EXOC4: variants seen among roughly 807,000 people sequenced by gnomAD.
The protein encoded by EXOC4 is SEC8-like 1.
EXOC4 carries 71 observed loss-of-function variants against 107.2 expected under a neutral mutation model. The observed-to-expected ratio is 0.66, with a 90% CI of 0.55 to 0.81. The LOEUF is 0.81. Among genes scored for constraint, EXOC4 ranks in the 30% least tolerant of loss-of-function variants. EXOC4 has a pLI of 0.00. For synonymous variants in EXOC4, 456 were observed against 441.2 expected, an observed-to-expected ratio of 1.03 and a Z score of -0.42; for missense variants, 1,108 against 1,189.6, an observed-to-expected ratio of 0.93 and a Z score of 1.01.
intron 10 of EXOC4, among the ~76,000 whole-genome samples, chr7:133,657,595 T>A (rs1803330816): frequency 6.6e-6 from 1 of 152,138 alleles, no homozygotes; most frequent in African/African-American, 2.4e-5. Context: ...TCAGTGTGGA[T>A]CCTACCTTGG....
intron 9 of EXOC4, among the ~76,000 whole-genome samples, chr7:133,530,560 T>C (rs1800162725): frequency 6.6e-6 from 1 of 152,214 alleles, no homozygotes; most frequent in African/African-American, 2.4e-5. Context: ...CATCACTGTA[T>C]GTACAGTGTG....
At chr7:133,312,804 G>A (rs550188789) in intron 4 of EXOC4, among the ~76,000 whole-genome samples, 1 of 151,490 alleles carries the variant, frequency 6.6e-6, no homozygotes, top group Non-Finnish European at 1.5e-5. Flanking sequence ...TGTTTTGGAA[G>A]GCAGTATACC....
At chr7:133,653,675 T>C (rs938049196) in intron 10 of EXOC4, among the ~76,000 whole-genome samples, 4 of 152,194 alleles carry the variant, frequency 2.6e-5, no homozygotes, top group Non-Finnish European at 4.4e-5. Context: ...GTTGCTCCAT[T>C]TTCCTCCCTT....
intron 11 of EXOC4, among the ~76,000 whole-genome samples, chr7:133,861,280 A>G (rs1295674946): frequency 6.6e-6 from 1 of 152,198 alleles, no homozygotes; most frequent in Non-Finnish European, 1.5e-5. Context: ...GACCTTGTTT[A>G]AAAATGGAAA....
At chr7:134,071,065 C>T (rs981631129), downstream of EXOC4, among the ~76,000 whole-genome samples, 6 of 152,158 alleles carry the variant, frequency 3.9e-5, no homozygotes, top group Non-Finnish European at 8.8e-5. Flanking sequence ...ATTGCTACTA[C>T]GTTATTCTAG....
intron 17 of EXOC4, among the ~76,000 whole-genome samples, chr7:134,024,106 C>G (rs1795083587): frequency 3.3e-5 from 5 of 152,180 alleles, no homozygotes; most frequent in African/African-American, 7.2e-5. Flanking sequence ...AGTAGAGCTC[C>G]TACCTAGGGT....
At chr7:133,321,820 A>C (rs2150587840) in intron 5 of EXOC4, among the ~76,000 whole-genome samples, 1 of 152,322 alleles carries the variant, frequency 6.6e-6, no homozygotes, top group Middle Eastern at 3.4e-3. Flanking sequence ...CAATGGTTTA[A>C]CTAATTTACA....
intron 14 of EXOC4, among the ~76,000 whole-genome samples, chr7:133,990,486 G>GTA (rs1191964809): frequency 2.6e-5 from 4 of 152,108 alleles, no homozygotes; most frequent in Non-Finnish European, 5.9e-5. Flanking sequence ...GTCTCACTCT[G>GTA]TAGCCCAGGC....
At chr7:133,781,684 TG>T (rs1345428745) in intron 10 of EXOC4, among the ~76,000 whole-genome samples, 1 of 152,206 alleles carries the variant, frequency 6.6e-6, no homozygotes, top group East Asian at 1.9e-4. Flanking sequence ...CCAGAGAGTC[TG>T]CCTTGCACTG....
chr7:133,670,270 C>G (rs1400866836), intron 10 of EXOC4, among the ~76,000 whole-genome samples: 1 of 152,182 alleles, frequency 6.6e-6, no homozygotes, highest in Non-Finnish European at 1.5e-5. Flanking sequence ...AGGGAAAGTT[C>G]TTTAATCATT....
intron 10 of EXOC4, among the ~76,000 whole-genome samples, chr7:133,651,706 A>C (rs2991242): frequency 6.6e-6 from 1 of 151,900 alleles, no homozygotes; most frequent in Admixed American, 6.6e-5. Context: ...ATTTTTTGAG[A>C]TGGAGTCTTG....
At chr7:133,863,276 G>T (rs1457125974) in intron 11 of EXOC4, among the ~76,000 whole-genome samples, 1 of 151,990 alleles carries the variant, frequency 6.6e-6, no homozygotes, top group African/African-American at 2.4e-5. Flanking sequence ...ATATCCAAAT[G>T]AATTTTAAAA....
chr7:133,432,467 G>A (rs1797877542), intron 7 of EXOC4, among the ~76,000 whole-genome samples: 1 of 152,102 alleles, frequency 6.6e-6, no homozygotes, highest in South Asian at 2.1e-4. Context: ...ACCTTCTTAA[G>A]AAAATTTTGG....
chr7:133,781,726 C>T (rs568227995), intron 10 of EXOC4, among the ~76,000 whole-genome samples: 30 of 152,252 alleles, frequency 2.0e-4, no homozygotes, highest in Middle Eastern at 3.4e-3. Context: ...GTCTCCCATG[C>T]GAGGCTCAGC....
chr7:134,092,264 G>A, the EXOC4 span, among the ~76,000 whole-genome samples: 5 of 152,024 alleles, frequency 3.3e-5, 1 homozygote, highest in South Asian at 8.3e-4. Flanking sequence ...TAAATATTAT[G>A]TATGAGACAT....
chr7:133,400,713 G>T (rs1290025408), intron 7 of EXOC4, among the ~76,000 whole-genome samples: 1 of 152,154 alleles, frequency 6.6e-6, no homozygotes, highest in Non-Finnish European at 1.5e-5. Context: ...ACTATGTAAG[G>T]TTTGTTTTGG....
At chr7:133,366,507 T>G (rs1796252162) in intron 6 of EXOC4, among the ~76,000 whole-genome samples, 1 of 152,254 alleles carries the variant, frequency 6.6e-6, no homozygotes, top group African/African-American at 2.4e-5. Context: ...AAGTTGGCTC[T>G]TAAAGTTTGT....
intron 3 of EXOC4, among the ~76,000 whole-genome samples, chr7:133,297,880 A>G (rs1325199340): frequency 6.6e-6 from 1 of 152,204 alleles, no homozygotes; most frequent in Non-Finnish European, 1.5e-5. Context: ...AGAATGCTCT[A>G]AGTCGAGAAT....
intron 9 of EXOC4, chr7:133,576,472 G>A (rs1420867196): frequency 7.9e-7 from 1 of 1,273,674 alleles, no homozygotes; most frequent in African/African-American, 1.5e-5. Flanking sequence ...TTTATAGAGG[G>A]CATCTGTCGG....
Sources: allele counts gnomAD v4.1 joint callset (sites outside exome capture counted in the v4.1 genomes callset), GRCh38; gene constraint gnomAD v4.1.1; transcripts MANE v1.5; gene names NCBI Gene and HGNC (gene_info 2026-07-23, HGNC 2026-07-21).